SLC39A10: variants seen among roughly 807,000 people sequenced by gnomAD.
SLC39A10 encodes zinc transporter ZIP10.
In SLC39A10, 13 loss-of-function variants were observed where a neutral mutation model predicts 65.1. That is an observed-to-expected ratio of 0.20 (90% confidence interval 0.13 to 0.32). SLC39A10 has a LOEUF of 0.32. SLC39A10 is among the 10% of genes least tolerant of loss of function. The pLI, the probability that SLC39A10 is intolerant of heterozygous loss-of-function variation, is 1.00. For missense variants in SLC39A10, 831 were observed against 1,018.4 expected (o/e 0.82, Z 2.50); for synonymous variants, 321 against 342.2 (o/e 0.94, Z 0.68).
chr2:195,630,417 G>C (rs186085428), intron 2 of SLC39A10, among the ~76,000 whole-genome samples: 2 of 152,186 alleles, frequency 1.3e-5, no homozygotes, highest in African/African-American at 2.4e-5. Context: ...GAACCTCCAA[G>C]TATTCCGCTA....
chr2:195,681,032 A>C lies in SLC39A10; in HGVS notation c.990A>C (p.Glu330Asp), dbSNP rs565176655. The change falls in exon 2 of 10, where the codon GAA (glutamate) becomes GAC (aspartate). Residue 330 changes from glutamate to aspartate, a missense_variant. Glu to Asp is a conservative substitution (Grantham distance 45). Coordinates refer to ENST00000359634, the MANE Select transcript of SLC39A10 (RefSeq NM_020342.3). Reference sequence around the variant, plus strand: ...TTTCTTTGAGAAAAGATCTAAATGAAGATGACCATCATCATGAAGTAAGTA... The same window carrying C: ...TTTCTTTGAGAAAAGATCTAAATGACGATGACCATCATCATGAAGTAAGTA... The part of the protein sequence containing the change: ...AIISLRKDLN[E>D]DDHHHECLNV... 8.7e-5 allele frequency: 140 copies of C among 1,608,654 alleles called. 2 individuals carry two copies. In the South Asian group the frequency reaches 1.5e-3, roughly 17 times the overall value.
chr2:195,682,457 C>A (rs573403139), intron 2 of SLC39A10, among the ~76,000 whole-genome samples: 1 of 151,876 alleles, frequency 6.6e-6, no homozygotes, highest in Non-Finnish European at 1.5e-5. Context: ...TTATTATTTT[C>A]AAAAATTTAT....
intron 2 of SLC39A10, among the ~76,000 whole-genome samples, chr2:195,639,686 CA>C (rs1688765617): frequency 1.3e-5 from 2 of 152,174 alleles, no homozygotes; most frequent in African/African-American, 2.4e-5. Flanking sequence ...TGGGTTCCAG[CA>C]ATTCTCAACC....
chr2:195,657,350 C>A (rs911634325), intron 1 of SLC39A10, 69 bp downstream of exon 1: 4 of 978,872 alleles, frequency 4.1e-6, no homozygotes, highest in African/African-American at 3.5e-5. Context: ...GCGGAGACTG[C>A]GAGTCCCGGG....
At chr2:195,654,418 C>T (rs1396239791), upstream of SLC39A10, among the ~76,000 whole-genome samples, 2 of 152,086 alleles carry the variant, frequency 1.3e-5, no homozygotes, top group Non-Finnish European at 2.9e-5. Flanking sequence ...ATAGTTGGTT[C>T]TTTTCAAATC....
chr2:195,630,501 A>T (rs1244329346), intron 2 of SLC39A10, among the ~76,000 whole-genome samples: 1 of 152,122 alleles, frequency 6.6e-6, no homozygotes, highest in Non-Finnish European at 1.5e-5. Context: ...CTTTGCCCAT[A>T]GGGTGGGAGC....
At chr2:195,678,864 T>C (rs1271794850) in intron 1 of SLC39A10, among the ~76,000 whole-genome samples, 3 of 152,176 alleles carry the variant, frequency 2.0e-5, no homozygotes, top group East Asian at 1.9e-4. Flanking sequence ...AATTATAATA[T>C]TTTGGATATA....
intron 3 of SLC39A10, among the ~76,000 whole-genome samples, chr2:195,698,534 T>C (rs1171786423): frequency 6.6e-6 from 1 of 152,178 alleles, no homozygotes; most frequent in East Asian, 1.9e-4. Flanking sequence ...TGAGAGGATA[T>C]TGAATTTTGT....
At chr2:195,664,014 G>A (rs10204800) in intron 1 of SLC39A10, among the ~76,000 whole-genome samples, 78,458 of 151,690 alleles carry the variant, frequency 0.52, 20,974 homozygotes, top group Non-Finnish European at 0.6. Context: ...TCTTATGAAA[G>A]CACATACAGT....
chr2:195,658,339 C>T (rs1469441682), intron 1 of SLC39A10: 1 of 152,300 alleles, frequency 6.6e-6, no homozygotes, highest in South Asian at 2.1e-4. Context: ...ACCTGAAGCC[C>T]TCCGTTGGAA....
At chr2:195,657,689 C>T (rs1689208483) in intron 1 of SLC39A10, 2 of 959,266 alleles carry the variant, frequency 2.1e-6, no homozygotes, top group African/African-American at 1.8e-5. Context: ...GGCTGCGCGC[C>T]GGCCGCGGAT....
intron 5 of SLC39A10, among the ~76,000 whole-genome samples, chr2:195,709,180 A>G (rs1427589873): frequency 1.3e-5 from 2 of 150,802 alleles, no homozygotes; most frequent in African/African-American, 4.9e-5. Flanking sequence ...ACATGCCACC[A>G]TGCCCAGCTA....
intron 1 of SLC39A10, among the ~76,000 whole-genome samples, chr2:195,664,947 C>G (rs1689576141): frequency 6.6e-6 from 1 of 152,048 alleles, no homozygotes; most frequent in Non-Finnish European, 1.5e-5. Context: ...CTTTGGGAAG[C>G]CGGGGTGGGA....
intron 8 of SLC39A10, among the ~76,000 whole-genome samples, chr2:195,725,089 A>AT (rs1410207074): frequency 6.6e-6 from 1 of 152,242 alleles, no homozygotes; most frequent in Non-Finnish European, 1.5e-5. Flanking sequence ...TTAAAAAAAA[A>AT]GGAAGAAAGA....
At chr2:195,718,180 A>G in intron 7 of SLC39A10, 72 bp from the exon 8 acceptor site, 1 of 1,228,816 alleles carries the variant, frequency 8.1e-7, no homozygotes, top group Non-Finnish European at 1.2e-6. Context: ...AAGAAACTGC[A>G]TCTGTCATTA....
chr2:195,713,504 G>C lies in SLC39A10; in HGVS notation c.1647G>C (p.Lys549Asn). The C allele has an allele frequency of 6.3e-7, 1 of 1,586,062 alleles. No individual in the cohort carries two copies. Among genetic ancestry groups the C allele is most frequent in the Admixed American group, 1.9e-5 (1 of 51,742 alleles). ...TTGGAAGAAAGCTTTCAGATCACAA[G>C]TTAAACAATACACCAGATTCTGACT... ...STIGRKLSDH[K>N]LNNTPDSDWL... The change falls in exon 6 of 10, where the codon AAG becomes AAC. Residue 549 changes from lysine (K) to asparagine (N), a missense_variant. Coordinates refer to ENST00000359634, the MANE Select transcript of SLC39A10 (RefSeq NM_020342.3).
chr2:195,638,848 A>G (rs1463156089), intron 2 of SLC39A10, among the ~76,000 whole-genome samples: 1 of 152,066 alleles, frequency 6.6e-6, no homozygotes, highest in African/African-American at 2.4e-5. Context: ...TTTCCATCCT[A>G]GAATCATATC....
chr2:195,659,601 A>G (rs892945028), intron 1 of SLC39A10, among the ~76,000 whole-genome samples: 21 of 152,298 alleles, frequency 1.4e-4, no homozygotes, highest in African/African-American at 4.8e-4. Context: ...ACTGGAAAAA[A>G]TTTAGGGCTT....
chr2:195,628,990 T>TAAG (rs1688527782), intron 2 of SLC39A10, among the ~76,000 whole-genome samples: 1 of 152,200 alleles, frequency 6.6e-6, no homozygotes, highest in Non-Finnish European at 1.5e-5. Context: ...TCTCAATTAT[T>TAAG]AAGTCTTCAT....
Sources: gnomAD v4.1 joint callset for allele counts (sites outside exome capture counted in the v4.1 genomes callset) on GRCh38, gnomAD v4.1.1 for gene constraint, MANE v1.5 for transcripts, NCBI Gene and HGNC (gene_info 2026-07-23, HGNC 2026-07-21) for gene names.